S100A4: variants seen among roughly 807,000 people sequenced by gnomAD.
S100A4 encodes the protein S100 calcium binding protein A4.
S100A4 carries 4 observed loss-of-function variants against 6.3 expected under a neutral mutation model. The ratio of observed to expected loss-of-function variants is 0.64; its 90% CI spans 0.31 to 1.46. S100A4 has a LOEUF of 1.46. S100A4 is among the 40% of genes most tolerant of loss of function. The probability of loss-of-function intolerance (pLI) is 0.07; values close to 1 mark genes in which losing one functional copy is unlikely to be tolerated. For synonymous variants in S100A4, 44 were observed against 47.6 expected, an observed-to-expected ratio of 0.92 and a Z score of 0.32; for missense variants, 108 against 120.8, an observed-to-expected ratio of 0.89 and a Z score of 0.50.
Position 153,545,769 on chromosome 1 carries a change from A to C in S100A4, c.-32T>G, listed in dbSNP as rs1665544206. 1 of 152,924 alleles carries C rather than the reference A, an allele frequency of 6.5e-6. No homozygotes were observed. The highest frequency in any genetic ancestry group is 1.5e-5 in the Non-Finnish European group (1 of 68,476). 9.5% of individuals were successfully genotyped at this position (152,924 alleles called of 1,614,324 possible). On this transcript the variant is annotated 5_prime_UTR_variant, in exon 1 of 3. Transcript: ENST00000368716. ...ACAACTCACCAAACCAAGAAAGAAG[A>C]AGCGCTGAGGAGAGAGGGTTGTAGA...
rs71820511 is a variant in S100A4 at position 153,543,686 on chromosome 1, GA to G, written c.*72del. On this transcript the variant is annotated 3_prime_UTR_variant, in exon 3 of 3. Transcript: ENST00000368716. ...GCACGTGTCTGAAGGAGCCAGGGTG[GA>G]AAAAAAAAAGTGCCCACTGGCGACA... 7.8e-3 allele frequency: 9,792 copies of G among 1,255,008 alleles called. 254 individuals are homozygous for G. In the African/African-American group the frequency reaches 0.087, roughly 11 times the overall value. 77.7% of individuals were successfully genotyped at this position (1,255,008 alleles called of 1,614,324 possible).
chr1:153,543,714 G>A lies in S100A4; in HGVS notation c.*45C>T, dbSNP rs1189573141. 6 of 1,586,794 alleles carry A rather than the reference G, an allele frequency of 3.8e-6. No individual in the cohort carries two copies. The highest frequency in any genetic ancestry group is 3.4e-6 in the Non-Finnish European group (4 of 1,164,144). The stretch of plus-strand genomic sequence containing the variant: ...AAAAAAAAGTGCCCACTGGCGACAG[G>A]GAGGGCCCCAGCTGGCAGACCCCCC... On this transcript the variant is annotated 3_prime_UTR_variant, in exon 3 of 3. Transcript: ENST00000368716.
At position 153,545,376 on chromosome 1, in the gene S100A4, C is replaced by T. The variant is rs149514567; in HGVS notation, c.-16+377G>A. The stretch of plus-strand genomic sequence containing the variant: ...TGGGGCACACCACCAGACAAAGGCC[C>T]ACAGTTGCCTTCTGCCTTTCCTTTG... On this transcript the variant is annotated intron_variant, in intron 1 of 2. Transcript: ENST00000368716. The T allele has an allele frequency of 2.0e-3, 306 of 155,596 alleles. 2 individuals are homozygous for T. The highest frequency in any genetic ancestry group is 2.9e-3 in the Non-Finnish European group (199 of 69,742). The allele number at this position is 155,596 out of a possible 1,614,324, so 9.6% of individuals were successfully genotyped here.
chr1:153,543,994 T>C, intron 2 of S100A4, 71 bp from the exon 3 acceptor site: 1 of 1,555,146 alleles, frequency 6.4e-7, no homozygotes, highest in Non-Finnish European at 8.8e-7. Flanking sequence ...ACCCAGTTTC[T>C]ACTCCCAGAC....
chr1:153,544,961 G>A (rs761257416), intron 1 of S100A4, 152 bp from the exon 2 acceptor site: 2 of 870,848 alleles, frequency 2.3e-6, no homozygotes, highest in East Asian at 2.6e-5. Flanking sequence ...CCCGCACCTG[G>A]CTGGGAGGGT....
In S100A4 at chr1:153,544,690, C is replaced by A. The variant is rs1443183351; in HGVS notation, c.105G>T (p.Lys35Asn). ...TGGGCAGCTCCCGGGTCAGCAGCTC[C>A]TTTAGTTCTGACTTGTTGAGCTTGA... ...DKFKLNKSEL[K>N]ELLTRELPSF... Residue 35 changes from lysine (K) to asparagine (N), a missense_variant, in exon 2 of 3, where the codon AAG (lysine) becomes AAT (asparagine). Physicochemically the swap from Lys to Asn is moderately conservative, Grantham distance 94. Transcript: ENST00000368716. The A allele has an allele frequency of 6.2e-7, 1 of 1,614,244 alleles. No homozygotes were observed. Among genetic ancestry groups the A allele is most frequent in the Admixed American group, 1.7e-5 (1 of 60,036 alleles).
Position 153,543,695 on chromosome 1 carries a change from A to C in S100A4, c.*64T>G. 1.3e-6 allele frequency: 2 copies of C among 1,524,508 alleles called. No homozygotes were observed. The highest frequency in any genetic ancestry group is 2.3e-5 in the East Asian group (1 of 44,198). The allele number at this position is 1,524,508 out of a possible 1,614,324, so 94.4% of individuals were successfully genotyped here. ...TGAAGGAGCCAGGGTGGAAAAAAAA[A>C]AGTGCCCACTGGCGACAGGGAGGGC... On this transcript the variant is annotated 3_prime_UTR_variant, in exon 3 of 3. Coordinates refer to ENST00000368716, the MANE Select transcript of S100A4 (RefSeq NM_002961.3).
intron 2 of S100A4, 58 bp downstream of exon 2, chr1:153,544,596 T>G (rs1665497291): frequency 6.2e-7 from 1 of 1,606,568 alleles, no homozygotes; most frequent in African/African-American, 1.4e-5. Context: ...GCAAGACTGC[T>G]GCCCTCCTCT....
At chr1:153,543,981 C>A (rs1665474258) in intron 2 of S100A4, 58 bp from the exon 3 acceptor site, 17 of 1,587,898 alleles carry the variant, frequency 1.1e-5, no homozygotes, top group East Asian at 2.2e-5. Context: ...GAGCCAGGAC[C>A]AGACCCAGTT....
chr1:153,544,844 TC>T, intron 1 of S100A4, 35 bp from the exon 2 acceptor site: 1 of 1,611,886 alleles, frequency 6.2e-7, no homozygotes, highest in Non-Finnish European at 8.5e-7. Context: ...GTCTTATTAA[TC>T]CCACCCCTCA....
In S100A4 at chr1:153,543,800, A is replaced by T. The variant is rs766589410; in HGVS notation, c.265T>A (p.Phe89Ile). 4 of 1,614,020 alleles carry T rather than the reference A, an allele frequency of 2.5e-6. No homozygotes were observed. In the African/African-American group the frequency reaches 5.3e-5, roughly 22 times the overall value. Residue 89 changes from phenylalanine to isoleucine, a missense_variant, in exon 3 of 3, where the codon TTC becomes ATC. Transcript: ENST00000368716. ...TGCTTATCTGGGAAGCCTTCAAAGA[A>T]TTCGTTACACATCATGGCGATGCAG... ...LSCIAMMCNEFFEGFPDKQPR... is the reference protein window; with the variant it reads ...LSCIAMMCNEIFEGFPDKQPR...
Position 153,544,803 on chromosome 1 carries a change from TCAGGATCTGGGAG to T in S100A4, c.-15-7_-10del. ...TCCAGAGGGCACGCCATGACAGCAG[TCAGGATCTGGGAG>T]CAGGAGGCACAGAGACCGTCTTATT... On this transcript the variant is annotated splice_acceptor_variant and splice_polypyrimidine_tract_variant and 5_prime_UTR_variant and intron_variant, in exon 2 of 3. Coordinates refer to ENST00000368716, the MANE Select transcript of S100A4 (RefSeq NM_002961.3). LOFTEE classifies it low-confidence loss of function (5UTR_SPLICE). 6.2e-7 allele frequency: 1 copy of T among 1,614,112 alleles called. No homozygotes were observed. The highest frequency in any genetic ancestry group is 1.1e-5 in the South Asian group (1 of 91,082).
intron 2 of S100A4, among the ~76,000 whole-genome samples, chr1:153,544,399 A>G (rs912175996): frequency 6.6e-6 from 1 of 152,170 alleles, no homozygotes; most frequent in Non-Finnish European, 1.5e-5. Flanking sequence ...CACCTTGGGA[A>G]GTTACTTAGC....
intron 1 of S100A4, chr1:153,545,020 C>T (rs957603454): frequency 2.8e-5 from 15 of 535,502 alleles, no homozygotes; most frequent in South Asian, 7.7e-5. Flanking sequence ...TTGCAAGATC[C>T]GCTGCGCAAG....
At position 153,543,694 on chromosome 1, in the gene S100A4, A is replaced by C; in HGVS notation, c.*65T>G. Reference sequence around the variant, plus strand: ...CTGAAGGAGCCAGGGTGGAAAAAAAAAAGTGCCCACTGGCGACAGGGAGGG... The same window carrying C: ...CTGAAGGAGCCAGGGTGGAAAAAAACAAGTGCCCACTGGCGACAGGGAGGG... On this transcript the variant is annotated 3_prime_UTR_variant, in exon 3 of 3. Coordinates refer to ENST00000368716, the MANE Select transcript of S100A4 (RefSeq NM_002961.3). 2 of 1,526,192 alleles carry C rather than the reference A, an allele frequency of 1.3e-6. No individual in the cohort carries two copies. Among genetic ancestry groups the C allele is most frequent in the Non-Finnish European group, 1.8e-6 (2 of 1,121,836 alleles). The allele number at this position is 1,526,192 out of a possible 1,614,324, so 94.5% of individuals were successfully genotyped here.
At chr1:153,544,592 C>T (rs572223206) in intron 2 of S100A4, 62 bp downstream of exon 2, 67 of 1,606,308 alleles carry the variant, frequency 4.2e-5, no homozygotes, top group Admixed American at 4.0e-4. Flanking sequence ...TAGAGCAAGA[C>T]TGCTGCCCTC....
chr1:153,544,514 G>A, intron 2 of S100A4, 140 bp downstream of exon 2: 1 of 1,049,728 alleles, frequency 9.5e-7, no homozygotes, highest in Non-Finnish European at 1.4e-6. Flanking sequence ...GCAGTGAGTG[G>A]TGGTGTTCAA....
Position 153,543,665 on chromosome 1 carries a change from G to C in S100A4, c.*94C>G. On this transcript the variant is annotated 3_prime_UTR_variant, in exon 3 of 3. Coordinates refer to ENST00000368716, the MANE Select transcript of S100A4 (RefSeq NM_002961.3). ...ATTGAACTTGCTCAGCATCAAGCAC[G>C]TGTCTGAAGGAGCCAGGGTGGAAAA... The C allele has an allele frequency of 2.0e-5, 24 of 1,188,146 alleles. No homozygotes were observed. The South Asian group carries it at 3.4e-4, about 17-fold the overall frequency. The allele number at this position is 1,188,146 out of a possible 1,614,324, so 73.6% of individuals were successfully genotyped here. A position where few individuals can be genotyped will look rare whatever the true frequency, so the allele number is the denominator to read the frequency against.
chr1:153,544,616 G>T, intron 2 of S100A4, 38 bp downstream of exon 2: 4 of 1,612,652 alleles, frequency 2.5e-6, no homozygotes, highest in Non-Finnish European at 3.4e-6. Context: ...TGTGGGAAAT[G>T]CCCCACGTGG....
Sources: allele counts gnomAD v4.1 joint callset (sites outside exome capture counted in the v4.1 genomes callset), GRCh38; gene constraint gnomAD v4.1.1; transcripts MANE v1.5; gene names NCBI Gene and HGNC (gene_info 2026-07-23, HGNC 2026-07-21).